The following SGCD variants were observed in gnomAD, a reference collection of about 807,000 sequenced individuals.
SGCD encodes the protein sarcoglycan delta.
In SGCD, 18 loss-of-function variants were observed where a neutral mutation model predicts 36.6. The ratio of observed to expected loss-of-function variants is 0.49; its 90% confidence interval spans 0.34 to 0.73. The LOEUF is 0.73. Ranked by LOEUF, SGCD falls within the 30% of genes least tolerant of loss-of-function variation. The pLI, the probability that SGCD is intolerant of heterozygous loss-of-function variation, is 0.01. For missense variants in SGCD, 387 were observed against 346.7 expected, an observed-to-expected ratio of 1.12 and a Z score of -0.92; for synonymous variants, 133 against 130.6, an observed-to-expected ratio of 1.02 and a Z score of -0.12.
At chr5:155,978,130 G>A (rs923396866) in intron 1 of SGCD, among the ~76,000 whole-genome samples, 2 of 152,002 alleles carry the variant, frequency 1.3e-5, no homozygotes, top group African/African-American at 4.8e-5. Context: ...AAAATAAACT[G>A]GTCAGAATGG....
intron 1 of SGCD, among the ~76,000 whole-genome samples, chr5:156,077,499 C>CA (rs1760818015): frequency 6.6e-6 from 1 of 152,036 alleles, no homozygotes; most frequent in East Asian, 1.9e-4. Flanking sequence ...ACTCAGAGTC[C>CA]AGGGTGGTAG....
chr5:156,506,961 A>T (rs1200887965), intron 3 of SGCD, among the ~76,000 whole-genome samples: 1 of 152,190 alleles, frequency 6.6e-6, no homozygotes, highest in Admixed American at 6.5e-5. Flanking sequence ...TAGTGAAATC[A>T]TGGGTCCTCT....
chr5:156,600,304 A>T (rs280472), intron 6 of SGCD, among the ~76,000 whole-genome samples: 48,296 of 151,824 alleles, frequency 0.32, 8,575 homozygotes, highest in African/African-American at 0.49. Flanking sequence ...AAACTCCCCA[A>T]CCTTCTCTCC....
At chr5:156,014,233 C>T (rs1343105881) in intron 1 of SGCD, among the ~76,000 whole-genome samples, 1 of 152,014 alleles carries the variant, frequency 6.6e-6, no homozygotes, top group African/African-American at 2.4e-5. Context: ...TGGTACTTTG[C>T]TCATTCAGTT....
chr5:156,138,358 G>A (rs1219781204), intron 3 of SGCD, among the ~76,000 whole-genome samples: 1 of 152,200 alleles, frequency 6.6e-6, no homozygotes, highest in African/African-American at 2.4e-5. Context: ...CTGAGATCGT[G>A]CCACTGCACT....
intron 6 of SGCD, among the ~76,000 whole-genome samples, chr5:156,635,099 C>T (rs954119356): frequency 8.6e-5 from 13 of 151,874 alleles, no homozygotes; most frequent in Admixed American, 7.2e-4. Flanking sequence ...GTGACATGTC[C>T]CGGTAGTCAA....
chr5:156,391,794 T>C (rs1771585413), intron 3 of SGCD, among the ~76,000 whole-genome samples: 1 of 152,236 alleles, frequency 6.6e-6, no homozygotes, highest in African/African-American at 2.4e-5. Flanking sequence ...TATCATATTT[T>C]GAAATTTTGC....
At chr5:155,765,142 G>A in the SGCD span, among the ~76,000 whole-genome samples, 1 of 151,780 alleles carries the variant, frequency 6.6e-6, no homozygotes, top group Admixed American at 6.6e-5. Flanking sequence ...TAGCAAGCAT[G>A]GTGGCATGCA....
At chr5:156,206,242 G>A (rs1246137081) in intron 3 of SGCD, among the ~76,000 whole-genome samples, 5 of 151,894 alleles carry the variant, frequency 3.3e-5, no homozygotes, top group Admixed American at 6.6e-5. Flanking sequence ...TGTACGTACA[G>A]TGGTGTGTTC....
intron 1 of SGCD, among the ~76,000 whole-genome samples, chr5:156,041,139 C>T (rs768887184): frequency 5.3e-5 from 8 of 152,206 alleles, no homozygotes; most frequent in Non-Finnish European, 1.2e-4. Context: ...TCTGGAGGCA[C>T]ATCATACCCT....
At chr5:156,524,607 A>C (rs2113063555) in intron 4 of SGCD, among the ~76,000 whole-genome samples, 1 of 152,036 alleles carries the variant, frequency 6.6e-6, no homozygotes, top group East Asian at 1.9e-4. Flanking sequence ...AGAATACCTA[A>C]GGTCTACTTT....
chr5:156,641,191 T>A (rs1056717722), intron 6 of SGCD, among the ~76,000 whole-genome samples: 1 of 152,218 alleles, frequency 6.6e-6, no homozygotes, highest in Non-Finnish European at 1.5e-5. Context: ...TTCCTGTGGT[T>A]AGTTGTCCCA....
At chr5:155,974,905 A>G (rs1758079113) in intron 1 of SGCD, among the ~76,000 whole-genome samples, 1 of 152,000 alleles carries the variant, frequency 6.6e-6, no homozygotes. Flanking sequence ...TCTGGGCAGT[A>G]CTATTATCTC....
Position 156,212,983 on chromosome 5 carries a change from T to C in SGCD, c.-44+88964T>C, listed in dbSNP as rs145853872. Among the ~76,000 whole-genome samples, 424 of 152,072 alleles carry C rather than the reference T, an allele frequency of 2.8e-3. 2 individuals are homozygous for C. Among genetic ancestry groups the C allele is most frequent in the African/African-American group, 0.01 (416 of 41,538 alleles). On this transcript the variant is annotated intron_variant, in intron 3 of 9. Coordinates refer to the SGCD transcript ENST00000517913. ...TATACATTTATCATCCCAAAACTTA[T>C]GGGACATAGAAAATGCCAATTTAAT... is the stretch of plus-strand genomic sequence containing the variant.
At chr5:156,605,730 T>A (rs1446818840) in intron 6 of SGCD, among the ~76,000 whole-genome samples, 1 of 152,256 alleles carries the variant, frequency 6.6e-6, no homozygotes, top group Non-Finnish European at 1.5e-5. Context: ...GACTTTTTAA[T>A]GACCACCATT....
In SGCD at chr5:156,444,138, CCT is replaced by C. The variant is rs1561699564; in HGVS notation, c.193-64462_193-64461del. Among the ~76,000 whole-genome samples the C allele has an allele frequency of 1.0e-4, 11 of 108,156 alleles. 1 individual carries two copies. Among genetic ancestry groups the C allele is most frequent in the East Asian group, 6.2e-4 (2 of 3,206 alleles). 71.0% of individuals were successfully genotyped at this position (108,156 alleles called of 152,430 possible). On this transcript the variant is annotated intron_variant, in intron 3 of 8. Transcript: ENST00000337851. ...TCTCCCCTTCCCTCTCTCTCTCTCT[CCT>C]TCCCTTTCTCTCTCTCCTTCCCTCT...
intron 1 of SGCD, among the ~76,000 whole-genome samples, chr5:156,116,207 A>T (rs1036526883): frequency 6.6e-6 from 1 of 152,084 alleles, no homozygotes; most frequent in African/African-American, 2.4e-5. Context: ...AAGATGATCA[A>T]TAAGAGGTTT....
chr5:156,198,940 C>T (rs1764082484), intron 3 of SGCD, among the ~76,000 whole-genome samples: 1 of 152,022 alleles, frequency 6.6e-6, no homozygotes, highest in Admixed American at 6.6e-5. Context: ...AAGTGATCCA[C>T]TCACCTTAGC....
chr5:155,796,806 C>CAAAAAAAAAA, the SGCD span, among the ~76,000 whole-genome samples: 126 of 51,314 alleles, frequency 2.5e-3, 2 homozygotes, highest in Non-Finnish European at 3.2e-3. Context: ...AACTCCATCT[C>CAAAAAAAAAA]AAAAAAAAAA....
Sources: allele counts gnomAD v4.1 joint callset (sites outside exome capture counted in the v4.1 genomes callset), GRCh38; gene constraint gnomAD v4.1.1; transcripts MANE v1.5; gene names NCBI Gene and HGNC (gene_info 2026-07-23, HGNC 2026-07-21).